The following NTN3 variants were observed in gnomAD, a reference collection of about 807,000 sequenced individuals.
The protein encoded by NTN3 is netrin 3.
Under a neutral mutation model 37.2 loss-of-function variants are expected in NTN3, and 44 were observed. The observed-to-expected ratio is 1.18, with a 90% CI of 0.93 to 1.52. NTN3 has a LOEUF of 1.52. Ranked by LOEUF, NTN3 falls within the 40% of genes most tolerant of loss-of-function variation. The pLI, the probability that NTN3 is intolerant of heterozygous loss-of-function variation, is 0.00. For synonymous variants in NTN3, 385 were observed against 376.0 expected, an observed-to-expected ratio of 1.02 and a Z score of -0.28; for missense variants, 882 against 857.3, an observed-to-expected ratio of 1.03 and a Z score of -0.36.
Position 2,474,069 on chromosome 16 carries a change from G to A in NTN3, c.1707G>A (p.Gln569=), listed in dbSNP as rs1295058118. The A allele has an allele frequency of 8.3e-7, 1 of 1,209,432 alleles. No homozygotes were observed. The highest frequency in any genetic ancestry group is 1.0e-6 in the Non-Finnish European group (1 of 973,416). The allele number at this position is 1,209,432 out of a possible 1,614,324, so 74.9% of individuals were successfully genotyped here. A position where few individuals can be genotyped will look rare whatever the true frequency, so the allele number is the denominator to read the frequency against. The change falls in exon 6 of 6, where the codon CAG becomes CAA. Residue 569 remains glutamine (Q), a synonymous_variant. Coordinates refer to ENST00000293973, the MANE Select transcript of NTN3 (RefSeq NM_006181.3). ...DAWTRRLRRL[Q]RRERRGRCSA... is the part of the protein sequence containing the mutation. ...GGACGCGGCGCCTGCGGAGGCTGCA[G>A]CGACGCGAACGGCGGGGGCGCTGCA...
chr16:2,471,967 G>T lies in NTN3; in HGVS notation c.266G>T (p.Ser89Ile), dbSNP rs1397765719. The change falls in exon 1 of 6, where the codon AGC becomes ATC. Residue 89 changes from serine (S) to isoleucine (I), a missense_variant. Ser to Ile is a moderately radical substitution (Grantham distance 142). Coordinates refer to ENST00000293973, the MANE Select transcript of NTN3 (RefSeq NM_006181.3). Reference protein sequence around the residue: ...ALLTSPGGTASPLCWRSESLP... With the variant: ...ALLTSPGGTAIPLCWRSESLP... Reference sequence around the variant, plus strand: ...CTTACTTCCCCAGGGGGCACGGCCAGCCCTCTGTGCTGGCGCTCGGAGTCC... The same window carrying T: ...CTTACTTCCCCAGGGGGCACGGCCATCCCTCTGTGCTGGCGCTCGGAGTCC... The T allele has an allele frequency of 6.3e-7, 1 of 1,587,572 alleles. No individual in the cohort carries two copies. Among genetic ancestry groups the T allele is most frequent in the South Asian group, 1.1e-5 (1 of 89,518 alleles).
Position 2,474,064 on chromosome 16 carries a change from C to G in NTN3, c.1702C>G (p.Leu568Val). ...CGCGTGGACGCGGCGCCTGCGGAGG[C>G]TGCAGCGACGCGAACGGCGGGGGCG... ...RDAWTRRLRR[L>V]QRRERRGRCS... The change falls in exon 6 of 6, where the codon CTG (leucine) becomes GTG (valine). Residue 568 changes from leucine (L) to valine (V), a missense_variant. Transcript: ENST00000293973. The G allele has an allele frequency of 8.3e-7, 1 of 1,209,056 alleles. No individual in the cohort carries two copies. Among genetic ancestry groups the G allele is most frequent in the South Asian group, 4.1e-5 (1 of 24,236 alleles). 74.9% of individuals were successfully genotyped at this position (1,209,056 alleles called of 1,614,324 possible).
Position 2,472,477 on chromosome 16 carries a change from G to C in NTN3, c.776G>C (p.Gly259Ala), listed in dbSNP as rs2065527598. Residue 259 changes from glycine to alanine, a missense_variant, in exon 1 of 6, where the codon GGA becomes GCA. Physicochemically the swap from Gly to Ala is moderately conservative, Grantham distance 60 (BLOSUM62 0). Coordinates refer to ENST00000293973, the MANE Select transcript of NTN3 (RefSeq NM_006181.3). Reference sequence around the variant, plus strand: ...GTGGGCGGGCGCTGCAAGTGCAATGGACATGCCTCACGGTGCCTGCTGGAC... The same window carrying C: ...GTGGGCGGGCGCTGCAAGTGCAATGCACATGCCTCACGGTGCCTGCTGGAC... Reference protein sequence around the residue: ...LQVGGRCKCNGHASRCLLDTQ... With the variant: ...LQVGGRCKCNAHASRCLLDTQ... The C allele has an allele frequency of 6.3e-7, 1 of 1,595,868 alleles. No homozygotes were observed. Among genetic ancestry groups the C allele is most frequent in the African/African-American group, 1.3e-5 (1 of 74,782 alleles).
At position 2,472,625 on chromosome 16, in the gene NTN3, C is replaced by G; in HGVS notation, c.924C>G (p.Cys308Trp). Residue 308 changes from cysteine to tryptophan, a missense_variant, in exon 1 of 6, where the codon TGC (cysteine) becomes TGG (tryptophan). Cys to Trp is a radical substitution (Grantham distance 215, BLOSUM62 -2). Transcript: ENST00000293973. ...QRATARESHA[C>W]LACSCNGHAR... ...CCACTGCCCGGGAATCCCACGCCTG[C>G]CTCGGTGAGGCCTTGGAGGGTGGCC... 6.3e-7 allele frequency: 1 copy of G among 1,596,172 alleles called. No individual in the cohort carries two copies. The highest frequency in any genetic ancestry group is 1.1e-5 in the South Asian group (1 of 90,638).
rs1481553599 is a variant in NTN3 at position 2,472,908 on chromosome 16, C to T, written c.1117+19C>T. 3.8e-6 allele frequency: 6 copies of T among 1,583,168 alleles called. No homozygotes were observed. The highest frequency in any genetic ancestry group is 5.2e-6 in the Non-Finnish European group (6 of 1,164,536). ...TGCAGGGGTGAGCCACCACCGGCCA[C>T]CTGCAGGCCCTCACCCTCTGACTTC... On this transcript the variant is annotated intron_variant, in intron 2 of 5. Transcript: ENST00000293973.
Position 2,471,660 on chromosome 16 carries a change from TC to T in NTN3, c.-41del. On this transcript the variant is annotated 5_prime_UTR_variant, in exon 1 of 6. Coordinates refer to ENST00000293973, the MANE Select transcript of NTN3 (RefSeq NM_006181.3). ...GGGCTTCTTTTCCCCAAGGGCAGCG[TC>T]TTGGGGCCCGGCCACTGGCTGACCC... 7.9e-7 allele frequency: 1 copy of T among 1,273,688 alleles called. No individual in the cohort carries two copies. Among genetic ancestry groups the T allele is most frequent in the Non-Finnish European group, 1.0e-6 (1 of 1,000,618 alleles). 78.9% of individuals were successfully genotyped at this position (1,273,688 alleles called of 1,614,324 possible).
In NTN3 at chr16:2,472,002, G is replaced by A; in HGVS notation, c.301G>A (p.Ala101Thr). 1 of 1,603,520 alleles carries A rather than the reference G, an allele frequency of 6.2e-7. No homozygotes were observed. Among genetic ancestry groups the A allele is most frequent in the Non-Finnish European group, 8.5e-7 (1 of 1,179,006 alleles). ...LCWRSESLPR[A>T]PLNVTLTVPL... is the part of the protein sequence containing the mutation. Reference sequence around the variant, plus strand: ...CTGGCGCTCGGAGTCCCTGCCTCGGGCGCCCCTCAACGTGACTCTCACGGT... The same window carrying A: ...CTGGCGCTCGGAGTCCCTGCCTCGGACGCCCCTCAACGTGACTCTCACGGT... The change falls in exon 1 of 6, where the codon GCG (alanine) becomes ACG (threonine). Residue 101 changes from alanine (A) to threonine (T), a missense_variant. Physicochemically the swap from Ala to Thr is moderately conservative, Grantham distance 58 (BLOSUM62 0). Transcript: ENST00000293973.
Position 2,473,994 on chromosome 16 carries a change from C to G in NTN3, c.1632C>G (p.Pro544=). 1 of 1,175,888 alleles carries G rather than the reference C, an allele frequency of 8.5e-7. No homozygotes were observed. Among genetic ancestry groups the G allele is most frequent in the Non-Finnish European group, 1.1e-6 (1 of 952,268 alleles). The allele number at this position is 1,175,888 out of a possible 1,614,324, so 72.8% of individuals were successfully genotyped here. Residue 544 remains proline (P), a synonymous_variant, in exon 6 of 6, where the codon CCC becomes CCG. Coordinates refer to ENST00000293973, the MANE Select transcript of NTN3 (RefSeq NM_006181.3). ...CTGGGGGCGCGGGGGGCCGGGGGCC[C>G]GGGCTCATCGCCGCCCGCGGAAGCC... ...AAAGGAGGRG[P]GLIAARGSLV...
In NTN3 at chr16:2,473,442, C is replaced by T; in HGVS notation, c.1332C>T (p.His444=). The T allele has an allele frequency of 6.2e-7, 1 of 1,613,052 alleles. No individual in the cohort carries two copies. The highest frequency in any genetic ancestry group is 8.5e-7 in the Non-Finnish European group (1 of 1,179,980). The change falls in exon 5 of 6, where the codon CAC becomes CAT. Residue 444 remains histidine (H), a synonymous_variant. Coordinates refer to ENST00000293973, the MANE Select transcript of NTN3 (RefSeq NM_006181.3). ...CCTTCTACCCAGACTGTGACTCGCA[C>T]TGCAAACCTGCCCGTGGCAGCTACC... ...SPVQPQDCDS[H]CKPARGSYRI... is the part of the protein sequence containing the mutation.
In NTN3 at chr16:2,472,691, C is replaced by T; in HGVS notation, c.929-10C>T. ...CAACCAGCCTGCCCCTGACCCATCC[C>T]TCCCTGCAGCTTGCTCCTGCAACGG... On this transcript the variant is annotated splice_polypyrimidine_tract_variant and intron_variant, in intron 1 of 5. Transcript: ENST00000293973. The T allele has an allele frequency of 2.5e-6, 4 of 1,608,888 alleles. No individual in the cohort carries two copies. The South Asian group carries it at 3.3e-5, about 13-fold the overall frequency.
chr16:2,472,796 C>A lies in NTN3; in HGVS notation c.1024C>A (p.Arg342=). 1 of 1,608,010 alleles carries A rather than the reference C, an allele frequency of 6.2e-7. No homozygotes were observed. Among genetic ancestry groups the A allele is most frequent in the Non-Finnish European group, 8.5e-7 (1 of 1,179,586 alleles). The stretch of plus-strand genomic sequence containing the variant: ...CAGCGGGGGTGTCTGTCTCAACTGC[C>A]GGCACAACACCGCCGGCCGCCACTG... ...RRSGGVCLNC[R]HNTAGRHCHY... is the part of the protein sequence containing the mutation. The change falls in exon 2 of 6, where the codon CGG becomes AGG. Residue 342 remains arginine, a synonymous_variant. Coordinates refer to ENST00000293973, the MANE Select transcript of NTN3 (RefSeq NM_006181.3).
At position 2,473,952 on chromosome 16, in the gene NTN3, C is replaced by T; in HGVS notation, c.1590C>T (p.Gly530=). The stretch of plus-strand genomic sequence containing the variant: ...GCCGCCGCTACCTCCTGCTGGGGGG[C>T]GGGCCTGGAGCCGCGGCTGGGGGCG... ...LPGRRYLLLG[G]GPGAAAGGAG... Residue 530 remains glycine, a synonymous_variant, in exon 6 of 6, where the codon GGC becomes GGT. Coordinates refer to ENST00000293973, the MANE Select transcript of NTN3 (RefSeq NM_006181.3). 1 of 1,171,006 alleles carries T rather than the reference C, an allele frequency of 8.5e-7. No homozygotes were observed. The highest frequency in any genetic ancestry group is 1.1e-6 in the Non-Finnish European group (1 of 949,578). The allele number at this position is 1,171,006 out of a possible 1,614,324, so 72.5% of individuals were successfully genotyped here. A position where few individuals can be genotyped will look rare whatever the true frequency, so the allele number is the denominator to read the frequency against.
intron 5 of NTN3, 43 bp from the exon 6 acceptor site, chr16:2,473,713 G>C: frequency 7.0e-7 from 1 of 1,421,796 alleles, no homozygotes; most frequent in Non-Finnish European, 9.2e-7. Context: ...ACCGCGGGCA[G>C]GCCGCCCCTT....
Position 2,471,500 on chromosome 16 carries a change from A to C in NTN3, c.-202A>C. On this transcript the variant is annotated 5_prime_UTR_variant, in exon 1 of 6. Coordinates refer to ENST00000293973, the MANE Select transcript of NTN3 (RefSeq NM_006181.3). ...CTGTCATCGCTCTAGGCCCAGCGGG[A>C]GGACGCGCCAACATCCCCGCTGCTG... 2.6e-6 allele frequency: 1 copy of C among 390,954 alleles called. No homozygotes were observed. Among genetic ancestry groups the C allele is most frequent in the Non-Finnish European group, 4.5e-6 (1 of 222,644 alleles). 24.2% of individuals were successfully genotyped at this position (390,954 alleles called of 1,614,324 possible).
rs2065539433 is a variant in NTN3, at chr16:2,473,851, C to G, written c.1489C>G (p.Arg497Gly). The change falls in exon 6 of 6, where the codon CGC becomes GGC. Residue 497 changes from arginine (R) to glycine (G), a missense_variant. Arg to Gly is a moderately radical substitution (Grantham distance 125). Coordinates refer to ENST00000293973, the MANE Select transcript of NTN3 (RefSeq NM_006181.3). ...CGCCGTGTTCCGGAGCGGAGAGGAG[C>G]GCGCGCGGCGCGGGAGTAGCGCGCT... is the stretch of plus-strand genomic sequence containing the variant. ...VLAVFRSGEE[R>G]ARRGSSALWV... The G allele has an allele frequency of 6.8e-6, 9 of 1,319,378 alleles. No homozygotes were observed. 81.7% of individuals were successfully genotyped at this position (1,319,378 alleles called of 1,614,324 possible). A position where few individuals can be genotyped will look rare whatever the true frequency, so the allele number is the denominator to read the frequency against.
intron 5 of NTN3, 65 bp from the exon 6 acceptor site, chr16:2,473,691 G>T: frequency 1.5e-6 from 2 of 1,362,996 alleles, no homozygotes; most frequent in East Asian, 2.6e-5. Context: ...TGTCCTCCCC[G>T]TGCCTCCCCC....
In NTN3 at chr16:2,473,473, A is replaced by C; in HGVS notation, c.1363A>C (p.Ser455Arg). 3 of 1,613,042 alleles carry C rather than the reference A, an allele frequency of 1.9e-6. 1 individual carries two copies. In the South Asian group the frequency reaches 3.3e-5, roughly 18 times the overall value. The change falls in exon 5 of 6, where the codon AGC becomes CGC. Residue 455 changes from serine (S) to arginine (R), a missense_variant. Coordinates refer to ENST00000293973, the MANE Select transcript of NTN3 (RefSeq NM_006181.3). ...CKPARGSYRISLKKFCKKDYA... is the reference protein window; with the variant it reads ...CKPARGSYRIRLKKFCKKDYA... ...ACCTGCCCGTGGCAGCTACCGCATC[A>C]GCCTAAAGAAGTTCTGCAAGAAGGA...
Position 2,473,066 on chromosome 16 carries a change from C to A in NTN3, c.1199C>A (p.Thr400Asn). 1 of 1,611,282 alleles carries A rather than the reference C, an allele frequency of 6.2e-7. No homozygotes were observed. The highest frequency in any genetic ancestry group is 8.5e-7 in the Non-Finnish European group (1 of 1,179,532). ...TGQCPCKDGV[T>N]GLTCNRCAPG... The stretch of plus-strand genomic sequence containing the variant: ...CAGTGTCCCTGCAAGGATGGCGTCA[C>A]TGGCCTCACCTGCAACCGCTGCGCG... Residue 400 changes from threonine to asparagine, a missense_variant, in exon 3 of 6, where the codon ACT becomes AAT. Thr to Asn is a moderately conservative substitution (Grantham distance 65). Coordinates refer to ENST00000293973, the MANE Select transcript of NTN3 (RefSeq NM_006181.3).
In NTN3 at chr16:2,472,442, CG is replaced by C. The variant is rs1567399971; in HGVS notation, c.742del (p.Asp248ThrfsTer25). ...AVVPYSYAAT[D>X]LQVGGRCKCN... is the part of the protein sequence containing the mutation. ...TCGTCCCTTACTCCTACGCAGCCACCGACCTCCAGGTGGGCGGGCGCTGCAA... is the reference window on the plus strand; with the variant it reads ...TCGTCCCTTACTCCTACGCAGCCACCACCTCCAGGTGGGCGGGCGCTGCAA... On this transcript the variant is annotated frameshift_variant, in exon 1 of 6. Transcript: ENST00000293973. LOFTEE classifies it high-confidence loss of function. 2 of 1,596,564 alleles carry C rather than the reference CG, an allele frequency of 1.3e-6. No individual in the cohort carries two copies. The highest frequency in any genetic ancestry group is 1.7e-6 in the Non-Finnish European group (2 of 1,164,606).
Sources: allele counts gnomAD v4.1 joint callset, GRCh38; gene constraint gnomAD v4.1.1; transcripts MANE v1.5; gene names NCBI Gene and HGNC (gene_info 2026-07-23, HGNC 2026-07-21).